Variants in GRXCR1 observed in about 807,000 individuals in gnomAD.
GRXCR1 encodes the protein glutaredoxin domain-containing cysteine-rich protein 1.
Under a neutral mutation model 27.3 loss-of-function variants are expected in GRXCR1, and 27 were observed. The ratio of observed to expected loss-of-function variants is 0.99; its 90% CI spans 0.73 to 1.37. The LOEUF is 1.37. Ranked by LOEUF, GRXCR1 falls within the 40% of genes most tolerant of loss-of-function variation. The pLI is 0.00. For missense variants in GRXCR1, 379 were observed against 354.4 expected (o/e 1.07, Z -0.56); for synonymous variants, 122 against 131.1 (o/e 0.93, Z 0.47).
intron 2 of GRXCR1, among the ~76,000 whole-genome samples, chr4:42,978,126 T>G (rs1188789511): frequency 6.6e-6 from 1 of 152,078 alleles, no homozygotes; most frequent in Non-Finnish European, 1.5e-5. Flanking sequence ...GTGGATTTAT[T>G]TCTGGCCTCT....
chr4:42,943,512 C>A (rs1019094542), intron 1 of GRXCR1, among the ~76,000 whole-genome samples: 1 of 152,126 alleles, frequency 6.6e-6, no homozygotes, highest in African/African-American at 2.4e-5. Context: ...ATTTCCAGGG[C>A]AGAGTCCTGG....
chr4:42,934,358 G>A (rs890431457), intron 1 of GRXCR1, among the ~76,000 whole-genome samples: 1 of 151,582 alleles, frequency 6.6e-6, no homozygotes, highest in Admixed American at 6.6e-5. Flanking sequence ...GAACAATTTT[G>A]TAATAAGAAA....
At chr4:42,942,906 A>C (rs1747657400) in intron 1 of GRXCR1, among the ~76,000 whole-genome samples, 1 of 152,126 alleles carries the variant, frequency 6.6e-6, no homozygotes, top group Non-Finnish European at 1.5e-5. Flanking sequence ...GGTGCTCACA[A>C]TTTACTTTGT....
At chr4:42,972,604 T>A (rs1292735808) in intron 2 of GRXCR1, among the ~76,000 whole-genome samples, 1 of 152,194 alleles carries the variant, frequency 6.6e-6, no homozygotes, top group African/African-American at 2.4e-5. Context: ...TGTCATACTC[T>A]GCTAAGCATG....
intron 2 of GRXCR1, among the ~76,000 whole-genome samples, chr4:43,002,192 C>T (rs2109797243): frequency 6.6e-6 from 1 of 152,410 alleles, no homozygotes; most frequent in Non-Finnish European, 1.5e-5. Context: ...TTTACTAATC[C>T]ACCTCAGCAC....
chr4:43,002,130 C>T (rs1415512075), intron 2 of GRXCR1, among the ~76,000 whole-genome samples: 1 of 152,244 alleles, frequency 6.6e-6, no homozygotes, highest in Non-Finnish European at 1.5e-5. Context: ...TTCCCAGGGG[C>T]AGGCAGGAGA....
intron 2 of GRXCR1, 64 bp from the exon 3 acceptor site, chr4:43,020,287 GTTA>G (rs1347554887): frequency 9.7e-7 from 1 of 1,030,038 alleles, no homozygotes; most frequent in Non-Finnish European, 1.5e-6. Context: ...AGCTTTCCTT[GTTA>G]GAACTTTATT....
intron 2 of GRXCR1, among the ~76,000 whole-genome samples, chr4:43,013,675 A>G (rs146578044): frequency 6.6e-6 from 1 of 152,146 alleles, no homozygotes; most frequent in Non-Finnish European, 1.5e-5. Flanking sequence ...AATGAAAATC[A>G]GTTTATGCAA....
At chr4:42,981,363 T>C (rs1227981841) in intron 2 of GRXCR1, among the ~76,000 whole-genome samples, 1 of 152,128 alleles carries the variant, frequency 6.6e-6, no homozygotes, top group East Asian at 1.9e-4. Flanking sequence ...TTTGAATTTT[T>C]GATGTTTCAG....
chr4:42,933,303 C>T (rs958923392), intron 1 of GRXCR1, among the ~76,000 whole-genome samples: 38 of 151,810 alleles, frequency 2.5e-4, no homozygotes, highest in African/African-American at 9.2e-4. Flanking sequence ...TGAGTCAGAG[C>T]CATGTTGCTT....
At chr4:43,018,807 A>C (rs1052458630) in intron 2 of GRXCR1, among the ~76,000 whole-genome samples, 1 of 152,192 alleles carries the variant, frequency 6.6e-6, no homozygotes, top group Non-Finnish European at 1.5e-5. Flanking sequence ...GTTACCAGTT[A>C]TTACTACATT....
intron 3 of GRXCR1, 139 bp downstream of exon 3, chr4:43,020,558 T>G: frequency 1.4e-6 from 1 of 690,100 alleles, no homozygotes; most frequent in East Asian, 2.7e-5. Context: ...AGTTTTAATT[T>G]GATATCTTCT....
At position 42,893,549 on chromosome 4, in the gene GRXCR1, A is replaced by G; in HGVS notation, c.283A>G (p.Arg95Gly). 6.2e-7 allele frequency: 1 copy of G among 1,613,880 alleles called. No homozygotes were observed. Among genetic ancestry groups the G allele is most frequent in the South Asian group, 1.1e-5 (1 of 91,086 alleles). The change falls in exon 1 of 4, where the codon AGA becomes GGA. Residue 95 changes from arginine (R) to glycine (G), a missense_variant. Coordinates refer to ENST00000399770, the MANE Select transcript of GRXCR1 (RefSeq NM_001080476.3). ...TGCCAGTGAGAAGGGTTTTGGTACA[A>G]GAAGAGTCAACATTTTAAGCAAAAA... ...RAASEKGFGTRRVNILSKNGT... is the reference protein window; with the variant it reads ...RAASEKGFGTGRVNILSKNGT...
chr4:42,947,720 C>T (rs1283428665), intron 1 of GRXCR1, among the ~76,000 whole-genome samples: 1 of 152,106 alleles, frequency 6.6e-6, no homozygotes, highest in Admixed American at 6.5e-5. Context: ...GAAACAATTC[C>T]CAATGTTTCC....
intron 2 of GRXCR1, among the ~76,000 whole-genome samples, chr4:42,970,721 AC>A (rs1379564751): frequency 6.6e-6 from 1 of 152,136 alleles, no homozygotes; most frequent in African/African-American, 2.4e-5. Flanking sequence ...GACTGCTCTG[AC>A]GGTCTCTGAA....
intron 1 of GRXCR1, among the ~76,000 whole-genome samples, chr4:42,949,310 C>G (rs963553990): frequency 2.3e-5 from 3 of 130,196 alleles, no homozygotes; most frequent in African/African-American, 8.8e-5. Context: ...GAGCTGAGAT[C>G]ACGCCACTGC....
intron 2 of GRXCR1, among the ~76,000 whole-genome samples, chr4:42,983,057 T>C (rs963085339): frequency 6.6e-6 from 1 of 151,986 alleles, no homozygotes; most frequent in Non-Finnish European, 1.5e-5. Context: ...CTCTTTAGTT[T>C]AATTAGATCC....
chr4:42,993,741 C>G (rs979589953), intron 2 of GRXCR1, among the ~76,000 whole-genome samples: 1 of 152,048 alleles, frequency 6.6e-6, no homozygotes, highest in African/African-American at 2.4e-5. Context: ...CATTTCCACA[C>G]CACAGAAAAG....
At chr4:42,893,821 A>G (rs1486038685) in intron 1 of GRXCR1, among the ~76,000 whole-genome samples, 171 bp downstream of exon 1, 2 of 152,146 alleles carry the variant, frequency 1.3e-5, no homozygotes, top group Admixed American at 6.6e-5. Context: ...AAACTGGGTC[A>G]TTGTGCTTGG....
Sources: allele counts gnomAD v4.1 joint callset (sites outside exome capture counted in the v4.1 genomes callset), GRCh38; gene constraint gnomAD v4.1.1; transcripts MANE v1.5; gene names NCBI Gene and HGNC (gene_info 2026-07-23, HGNC 2026-07-21).